Variants in CAD observed in about 807,000 individuals in gnomAD.
The protein encoded by CAD is multifunctional protein CAD.
CAD carries 81 observed loss-of-function variants against 237.2 expected under a neutral mutation model. That is an observed-to-expected ratio of 0.34 (90% CI 0.29 to 0.41). The LOEUF is 0.41. CAD is among the 10% of genes least tolerant of loss of function. The probability of loss-of-function intolerance (pLI) is 1.00; values close to 1 mark genes in which losing one functional copy is unlikely to be tolerated. For synonymous variants in CAD, 1,196 were observed against 1,162.8 expected (o/e 1.03, Z -0.58); for missense variants, 2,181 against 2,951.7 (o/e 0.74, Z 6.05).
rs1336477190 is a variant in CAD at position 27,236,200 on chromosome 2, C to G, written c.4075-84C>G. The G allele has an allele frequency of 6.4e-6, 10 of 1,552,498 alleles. No individual in the cohort carries two copies. Among genetic ancestry groups the G allele is most frequent in the Non-Finnish European group, 8.7e-6 (10 of 1,148,034 alleles). On this transcript the variant is annotated intron_variant, in intron 25 of 43. Transcript: ENST00000264705. The surrounding 1 kb of genome is among the most constrained non-coding windows in gnomAD (Gnocchi z 4.1). ...GTCCTCAGTCTCCTCATCATGGGCT[C>G]CTGGGCCAGCTCCTCTCCCTTAAGG... is the stretch of plus-strand genomic sequence containing the variant.
chr2:27,227,192 G>C (rs912613769), intron 15 of CAD, among the ~76,000 whole-genome samples: 1 of 152,112 alleles, frequency 6.6e-6, no homozygotes, highest in Non-Finnish European at 1.5e-5. Context: ...TCTCATTTTT[G>C]CAGTATCTCC....
chr2:27,223,980 T>C lies in CAD; in HGVS notation c.1059T>C (p.Phe353=), dbSNP rs1426632805. Reference sequence around the variant, plus strand: ...ATATGGAACTGCTTTTCGATATCTTTCTGGAAACTGTGAAAGAGGCCACAG... The same window carrying C: ...ATATGGAACTGCTTTTCGATATCTTCCTGGAAACTGTGAAAGAGGCCACAG... The part of the protein sequence containing the change: ...PSDMELLFDI[F]LETVKEATAG... Residue 353 remains phenylalanine (F), a synonymous_variant, in exon 8 of 44, where the codon TTT becomes TTC. Coordinates refer to ENST00000264705, the MANE Select transcript of CAD (RefSeq NM_004341.5). The C allele has an allele frequency of 4.3e-6, 7 of 1,614,002 alleles. No individual in the cohort carries two copies. The highest frequency in any genetic ancestry group is 5.9e-6 in the Non-Finnish European group (7 of 1,179,976).
rs1244993727 is a variant in CAD at position 27,234,655 on chromosome 2, A to G, written c.3756A>G (p.Leu1252=). ...IMGEEVEPVG[L]MTGSGVVGVK... ...GGGAAGAAGTGGAACCTGTGGGGCT[A>G]ATGACTGGTTCTGGAGTCGTGGGAG... Residue 1252 remains leucine, a synonymous_variant, in exon 23 of 44, where the codon CTA becomes CTG. Transcript: ENST00000264705. 1.9e-6 allele frequency: 3 copies of G among 1,614,010 alleles called. No homozygotes were observed. The African/African-American group carries it at 4.0e-5, about 22-fold the overall frequency.
At chr2:27,231,051 G>A (rs1376570608) in intron 15 of CAD, among the ~76,000 whole-genome samples, 1 of 152,226 alleles carries the variant, frequency 6.6e-6, no homozygotes, top group Non-Finnish European at 1.5e-5. Flanking sequence ...TGTTCCCCGG[G>A]CTGGAGTGCA....
intron 15 of CAD, among the ~76,000 whole-genome samples, chr2:27,228,328 A>G (rs1572432847): frequency 6.6e-6 from 1 of 152,210 alleles, no homozygotes; most frequent in East Asian, 1.9e-4. Context: ...TGAAGCACAG[A>G]CTTCTATAAA....
intron 9 of CAD, 33 bp downstream of exon 9, chr2:27,224,523 T>C: frequency 6.2e-7 from 1 of 1,606,684 alleles, no homozygotes; most frequent in South Asian, 1.1e-5. Flanking sequence ...CTTCTGGGCG[T>C]GTGACCCTCA....
intron 11 of CAD, 36 bp downstream of exon 11, chr2:27,225,279 T>C (rs373100437): frequency 8.0e-7 from 1 of 1,256,084 alleles, no homozygotes; most frequent in African/African-American, 1.5e-5. Context: ...AGAATGGTGG[T>C]GTTTTTTTTG....
chr2:27,236,922 C>G lies in CAD; in HGVS notation c.4396+92C>G. On this transcript the variant is annotated intron_variant, in intron 27 of 43. Coordinates refer to ENST00000264705, the MANE Select transcript of CAD (RefSeq NM_004341.5). The surrounding 1 kb of genome is among the most constrained non-coding windows in gnomAD (Gnocchi z 4.1). The stretch of plus-strand genomic sequence containing the variant: ...GTGAAGGATGGCTGGGGGGCCCACT[C>G]TTTGTCCTGGACTGCACAGACTGTG... 1.9e-6 allele frequency: 2 copies of G among 1,034,420 alleles called. No individual in the cohort carries two copies. The highest frequency in any genetic ancestry group is 3.1e-6 in the Non-Finnish European group (2 of 652,996). 64.1% of individuals were successfully genotyped at this position (1,034,420 alleles called of 1,614,324 possible).
rs1558545160 is a variant in CAD, at chr2:27,241,020, CCT to C, written c.5639-35_5639-34del. On this transcript the variant is annotated intron_variant, in intron 36 of 43. Coordinates refer to ENST00000264705, the MANE Select transcript of CAD (RefSeq NM_004341.5). This position sits in a 1 kb window ranked among gnomAD's most constrained non-coding sequence, Gnocchi z 4.6. ...CTGATCTGGCCTTGGTAGGAGGAAC[CCT>C]CTGACCAGCCTTTTCTGCCCCATCC... 1.9e-6 allele frequency: 3 copies of C among 1,613,670 alleles called. No individual in the cohort carries two copies. In the Admixed American group the frequency reaches 5.0e-5, roughly 27 times the overall value.
In CAD at chr2:27,241,133, G is replaced by T. The variant is rs773902229; in HGVS notation, c.5714G>T (p.Gly1905Val). 1.9e-6 allele frequency: 3 copies of T among 1,611,158 alleles called. No homozygotes were observed. In the South Asian group the frequency reaches 3.3e-5, roughly 18 times the overall value. Reference sequence around the variant, plus strand: ...AGACAGGCATCTCCCCAGAACCTGGGGACCCCTGGCTTGCTGCACCCCCAG... The same window carrying T: ...AGACAGGCATCTCCCCAGAACCTGGTGACCCCTGGCTTGCTGCACCCCCAG... The part of the protein sequence containing the change: ...VPRQASPQNL[G>V]TPGLLHPQTS... The change falls in exon 37 of 44, where the codon GGG (glycine) becomes GTG (valine). Residue 1905 changes from glycine (G) to valine (V), a missense_variant. By Grantham distance (109) the Gly-to-Val change is moderately radical. Around this residue, in one of 12 missense-constraint regions of CAD, gnomAD observed 203 missense variants for 284.5 expected, o/e 0.71. Transcript: ENST00000264705. This position sits in a 1 kb window ranked among gnomAD's most constrained non-coding sequence, Gnocchi z 4.6.
Position 27,236,202 on chromosome 2 carries a change from T to G in CAD, c.4075-82T>G. 3.2e-6 allele frequency: 5 copies of G among 1,555,218 alleles called. No individual in the cohort carries two copies. Among genetic ancestry groups the G allele is most frequent in the Non-Finnish European group, 4.3e-6 (5 of 1,149,602 alleles). On this transcript the variant is annotated intron_variant, in intron 25 of 43. Coordinates refer to ENST00000264705, the MANE Select transcript of CAD (RefSeq NM_004341.5). This position sits in a 1 kb window ranked among gnomAD's most constrained non-coding sequence, Gnocchi z 4.1. ...CCTCAGTCTCCTCATCATGGGCTCC[T>G]GGGCCAGCTCCTCTCCCTTAAGGCT... is the stretch of plus-strand genomic sequence containing the variant.
In CAD at chr2:27,234,212, C is replaced by T. The variant is rs1675897572; in HGVS notation, c.3604C>T (p.Gln1202Ter). 1 of 1,613,828 alleles carries T rather than the reference C, an allele frequency of 6.2e-7. No homozygotes were observed. The highest frequency in any genetic ancestry group is 8.5e-7 in the Non-Finnish European group (1 of 1,179,784). The change falls in exon 22 of 44, where the codon CAG becomes TAG. Residue 1202 changes from glutamine to a stop codon, truncating the protein, a stop_gained. Transcript: ENST00000264705. LOFTEE classifies it high-confidence loss of function. ...ELQVTGPFNL[Q>*]LIAKDDQLKV... is the part of the protein sequence containing the mutation. The stretch of plus-strand genomic sequence containing the variant: ...ACAGGTCACAGGACCCTTCAATCTG[C>T]AGCTCATTGCCAAGGTAATAAGGCT...
chr2:27,220,687 A>T (rs772305555), intron 2 of CAD, among the ~76,000 whole-genome samples: 2 of 149,390 alleles, frequency 1.3e-5, no homozygotes, highest in Non-Finnish European at 3.0e-5. Flanking sequence ...GCTAGGTGCG[A>T]TGGCTCACTC....
rs200696069 is a variant in CAD at position 27,236,829 on chromosome 2, G to A, written c.4395G>A (p.Pro1465=). The change falls in exon 27 of 44, where the codon CCG becomes CCA. Residue 1465 remains proline (P), a splice_region_variant and synonymous_variant. Coordinates refer to ENST00000264705, the MANE Select transcript of CAD (RefSeq NM_004341.5). This position sits in a 1 kb window ranked among gnomAD's most constrained non-coding sequence, Gnocchi z 4.1. ...CCTCCCAAAAGCTTGTGCGACTGCC[G>A]GGTAAGTCTTTGGGGAGAACTTGGC... The part of the protein sequence containing the change: ...CMTSQKLVRL[P]GLIDVHVHLR... 40 of 1,613,902 alleles carry A rather than the reference G, an allele frequency of 2.5e-5. No individual in the cohort carries two copies. Among genetic ancestry groups the A allele is most frequent in the Middle Eastern group, 1.6e-4 (1 of 6,062 alleles).
In CAD at chr2:27,240,930, G is replaced by C; in HGVS notation, c.5613G>C (p.Lys1871Asn). ...PGLPAEEPKE[K>N]SSRKVAEPEL... Reference sequence around the variant, plus strand: ...TTGCAGCTGAGGAGCCAAAGGAGAAGTCCTCTCGGAAGGTAGCCGAGCCAG... The same window carrying C: ...TTGCAGCTGAGGAGCCAAAGGAGAACTCCTCTCGGAAGGTAGCCGAGCCAG... Residue 1871 changes from lysine to asparagine, a missense_variant, in exon 36 of 44, where the codon AAG becomes AAC. By Grantham distance (94) the Lys-to-Asn change is moderately conservative (BLOSUM62 0). Coordinates refer to ENST00000264705, the MANE Select transcript of CAD (RefSeq NM_004341.5). The surrounding 1 kb of genome is among the most constrained non-coding windows in gnomAD (Gnocchi z 4.6). The C allele has an allele frequency of 6.2e-7, 1 of 1,614,172 alleles. No individual in the cohort carries two copies. The highest frequency in any genetic ancestry group is 8.5e-7 in the Non-Finnish European group (1 of 1,180,030).
chr2:27,231,503 G>T lies in CAD; in HGVS notation c.2323G>T (p.Ala775Ser). The T allele has an allele frequency of 6.2e-7, 1 of 1,613,212 alleles. No homozygotes were observed. Among genetic ancestry groups the T allele is most frequent in the African/African-American group, 1.3e-5 (1 of 75,006 alleles). Residue 775 changes from alanine (A) to serine (S), a missense_variant, in exon 16 of 44, where the codon GCC (alanine) becomes TCC (serine). Around this residue, in one of 12 missense-constraint regions of CAD, gnomAD observed 385 missense variants for 535.1 expected, o/e 0.72. Transcript: ENST00000264705. ...GGGCATTGGGCGTTCATTTGAGGAG[G>T]CCTTCCAGAAGGCCCTGCGCATGGT... ...VMGIGRSFEE[A>S]FQKALRMVDE...
intron 3 of CAD, among the ~76,000 whole-genome samples, chr2:27,221,614 C>T (rs893625425): frequency 3.3e-5 from 5 of 152,062 alleles, no homozygotes; most frequent in African/African-American, 2.4e-5. Context: ...AAATCTCAGA[C>T]ATCATATCAT....
rs944720111 is a variant in CAD at position 27,217,426 on chromosome 2, C to A, written c.-126C>A. ...GCTCCTACGCTGCCGCGCCCGGCTT[C>A]TCTCCAGCGCCCCGCGCCGTTAGCC... On this transcript the variant is annotated 5_prime_UTR_variant, in exon 1 of 44. Transcript: ENST00000264705. The A allele has an allele frequency of 1.2e-6, 1 of 831,008 alleles. No individual in the cohort carries two copies. The highest frequency in any genetic ancestry group is 2.0e-6 in the Non-Finnish European group (1 of 501,222). 51.5% of individuals were successfully genotyped at this position (831,008 alleles called of 1,614,324 possible).
Position 27,239,797 on chromosome 2 carries a change from C to A in CAD, c.5495C>A (p.Thr1832Lys). 1 of 1,546,922 alleles carries A rather than the reference C, an allele frequency of 6.5e-7. No homozygotes were observed. The highest frequency in any genetic ancestry group is 1.2e-5 in the South Asian group (1 of 80,570). The change falls in exon 34 of 44, where the codon ACG (threonine) becomes AAG (lysine). Residue 1832 changes from threonine to lysine, a missense_variant and splice_region_variant. Around this residue, in one of 12 missense-constraint regions of CAD, gnomAD observed 478 missense variants for 515.0 expected, o/e 0.93. Coordinates refer to ENST00000264705, the MANE Select transcript of CAD (RefSeq NM_004341.5). This position sits in a 1 kb window ranked among gnomAD's most constrained non-coding sequence, Gnocchi z 4.0. ...PSAPATSEMT[T>K]TPERPRRGIP... The stretch of plus-strand genomic sequence containing the variant: ...GCCCCTGCCACTAGTGAGATGACCA[C>A]GGTATCCACACTACTGGGCTAGGGG...
Sources: allele counts gnomAD v4.1 joint callset (sites outside exome capture counted in the v4.1 genomes callset), GRCh38; gene constraint gnomAD v4.1.1; regional missense constraint gnomAD v4.1.1; non-coding constraint Gnocchi (gnomAD v3.1); transcripts MANE v1.5; gene names NCBI Gene and HGNC (gene_info 2026-07-23, HGNC 2026-07-21).